The following LNPEP variants were observed in gnomAD, a reference collection of about 807,000 sequenced individuals.
LNPEP encodes leucyl and cystinyl aminopeptidase.
LNPEP carries 64 observed loss-of-function variants against 120.6 expected under a neutral mutation model. The ratio of observed to expected loss-of-function variants is 0.53; its 90% CI spans 0.43 to 0.65. The LOEUF is 0.65. Ranked by LOEUF, LNPEP falls within the 30% of genes least tolerant of loss-of-function variation. The probability of loss-of-function intolerance (pLI) is 0.00; values close to 1 mark genes in which losing one functional copy is unlikely to be tolerated. For missense variants in LNPEP, 1,057 were observed against 1,200.0 expected (o/e 0.88, Z 1.76); for synonymous variants, 435 against 425.4 (o/e 1.02, Z -0.28).
chr5:97,015,927 G>A (rs1233275313), intron 13 of LNPEP, among the ~76,000 whole-genome samples: 1 of 151,934 alleles, frequency 6.6e-6, no homozygotes, highest in African/African-American at 2.4e-5. Flanking sequence ...TTAAGTTCTA[G>A]GGTACATGTG....
At chr5:96,953,553 A>G (rs1218312079) in intron 1 of LNPEP, among the ~76,000 whole-genome samples, 1 of 152,204 alleles carries the variant, frequency 6.6e-6, no homozygotes, top group Non-Finnish European at 1.5e-5. Flanking sequence ...GTAGAATACA[A>G]TGACGTACAA....
At chr5:96,959,281 G>A (rs1789541684) in intron 1 of LNPEP, among the ~76,000 whole-genome samples, 1 of 152,166 alleles carries the variant, frequency 6.6e-6, no homozygotes, top group South Asian at 2.1e-4. Context: ...ATGTTGAGCT[G>A]ATGAAGTAGA....
At chr5:97,005,015 G>A (rs986727756) in intron 9 of LNPEP, among the ~76,000 whole-genome samples, 1 of 152,008 alleles carries the variant, frequency 6.6e-6, no homozygotes, top group African/African-American at 2.4e-5. Flanking sequence ...TTATGCATTG[G>A]CCTCTTCACT....
chr5:96,968,045 A>G (rs978057635), intron 1 of LNPEP, among the ~76,000 whole-genome samples: 3 of 152,126 alleles, frequency 2.0e-5, no homozygotes, highest in Non-Finnish European at 4.4e-5. Context: ...ATTGAAATGT[A>G]TCCGTTATTC....
chr5:96,992,034 A>C (rs1790400434), intron 4 of LNPEP, among the ~76,000 whole-genome samples: 2 of 112,990 alleles, frequency 1.8e-5, no homozygotes, highest in South Asian at 6.2e-4. Flanking sequence ...ATTAGAAAAA[A>C]ATAAATACTG....
intron 1 of LNPEP, chr5:96,936,957 C>T (rs1788912589): frequency 6.6e-6 from 1 of 152,204 alleles, no homozygotes; most frequent in Non-Finnish European, 1.5e-5. Flanking sequence ...TAAATCCCAC[C>T]CTAGTTAGAA....
At chr5:96,939,778 A>G (rs567297519) in intron 1 of LNPEP, among the ~76,000 whole-genome samples, 9 of 152,284 alleles carry the variant, frequency 5.9e-5, no homozygotes, top group Admixed American at 5.2e-4. Flanking sequence ...CTGGGCAACA[A>G]ATGAGATATT....
chr5:97,003,757 G>C (rs2112642698), intron 9 of LNPEP, among the ~76,000 whole-genome samples: 1 of 151,620 alleles, frequency 6.6e-6, no homozygotes, highest in East Asian at 1.9e-4. Context: ...TGTTGGAAAA[G>C]ACGTGTGTGG....
chr5:97,001,895 T>A (rs1161183004), intron 8 of LNPEP, among the ~76,000 whole-genome samples: 1 of 152,166 alleles, frequency 6.6e-6, no homozygotes, highest in Non-Finnish European at 1.5e-5. Context: ...ATCCCAGCAC[T>A]TTGGGAGGCC....
At chr5:96,982,534 A>G (rs146648294) in intron 2 of LNPEP, among the ~76,000 whole-genome samples, 221 of 152,300 alleles carry the variant, frequency 1.5e-3, no homozygotes, top group Middle Eastern at 6.8e-3. Context: ...GTTATGATCT[A>G]ATTTTTATCC....
chr5:96,983,445 T>C (rs1323649578), intron 2 of LNPEP, among the ~76,000 whole-genome samples: 1 of 151,492 alleles, frequency 6.6e-6, no homozygotes, highest in African/African-American at 2.4e-5. Context: ...AATCGAGGAC[T>C]TTTCTTTTTT....
At position 96,972,369 on chromosome 5, in the gene LNPEP, GGT is replaced by G. The variant is rs1309111493; in HGVS notation, c.20-6766_20-6765del. 8.5e-5 allele frequency among the ~76,000 whole-genome samples: 13 copies of G among 152,154 alleles called. No individual in the cohort carries two copies. The South Asian group carries it at 2.7e-3, about 32-fold the overall frequency. ...TCTAGTGTTTCAAGCTGATGCCTAG[GGT>G]GTTATGAGTTCTCTTTGCTCTGGCT... is the stretch of plus-strand genomic sequence containing the variant. On this transcript the variant is annotated intron_variant, in intron 1 of 17. Transcript: ENST00000231368.
Position 97,022,376 on chromosome 5 carries a change from A to C in LNPEP, c.2453A>C (p.Glu818Ala). 8 of 1,613,936 alleles carry C rather than the reference A, an allele frequency of 5.0e-6. No homozygotes were observed. Among genetic ancestry groups the C allele is most frequent in the Non-Finnish European group, 6.8e-6 (8 of 1,179,840 alleles). The change falls in exon 14 of 18, where the codon GAG becomes GCG. Residue 818 changes from glutamate to alanine, a missense_variant. Transcript: ENST00000231368. ...GATGAGGGCACTCCATCTATGCGAG[A>C]GCTTCGGTCAGCCCTGCTAGAGTTT... The part of the protein sequence containing the change: ...WTDEGTPSMR[E>A]LRSALLEFAC...
chr5:96,989,783 G>C (rs186061125), intron 4 of LNPEP, among the ~76,000 whole-genome samples: 2 of 151,984 alleles, frequency 1.3e-5, no homozygotes, highest in Non-Finnish European at 2.9e-5. Flanking sequence ...TTTATCTCTC[G>C]TAAGAACTCA....
intron 1 of LNPEP, among the ~76,000 whole-genome samples, chr5:96,972,236 AC>A (rs987340339): frequency 3.9e-5 from 6 of 152,032 alleles, no homozygotes; most frequent in Non-Finnish European, 5.9e-5. Flanking sequence ...ATCCTTAAAT[AC>A]TTTTTCCCCT....
intron 1 of LNPEP, chr5:96,958,746 C>CT (rs1241308033): frequency 6.6e-6 from 1 of 152,092 alleles, no homozygotes; most frequent in Non-Finnish European, 1.5e-5. Flanking sequence ...TGGCTCCTGG[C>CT]CCTGCTCCTT....
intron 14 of LNPEP, among the ~76,000 whole-genome samples, chr5:97,022,978 T>G (rs1791248363): frequency 6.6e-6 from 1 of 151,966 alleles, no homozygotes; most frequent in South Asian, 2.1e-4. Flanking sequence ...TTCAGTAGTG[T>G]TAAGCATATT....
intron 4 of LNPEP, 116 bp downstream of exon 4, chr5:96,986,786 C>CT: frequency 3.2e-6 from 3 of 923,728 alleles, no homozygotes; most frequent in Non-Finnish European, 4.9e-6. Flanking sequence ...AGATCACACT[C>CT]TGACATTTTA....
chr5:96,990,326 T>A (rs539637541), intron 4 of LNPEP, among the ~76,000 whole-genome samples: 1 of 152,276 alleles, frequency 6.6e-6, no homozygotes, highest in Non-Finnish European at 1.5e-5. Context: ...CAGTCCTGTA[T>A]CAAGGGCTTC....
Sources: allele counts gnomAD v4.1 joint callset (sites outside exome capture counted in the v4.1 genomes callset), GRCh38; gene constraint gnomAD v4.1.1; transcripts MANE v1.5; gene names NCBI Gene and HGNC (gene_info 2026-07-23, HGNC 2026-07-21).